Variants in ALX1 observed in about 807,000 individuals in gnomAD.
ALX1 encodes the protein ALX homeobox 1.
ALX1 carries 19 observed loss-of-function variants against 31.7 expected under a neutral mutation model. That is an observed-to-expected ratio of 0.60 (90% CI 0.42 to 0.88). The LOEUF (loss-of-function observed/expected upper bound fraction) is 0.88, where lower values mean the gene tolerates loss of function less well. Among genes scored for constraint, ALX1 ranks in the 40% least tolerant of loss-of-function variants. The pLI, the probability that ALX1 is intolerant of heterozygous loss-of-function variation, is 0.00. For synonymous variants in ALX1, 153 were observed against 148.8 expected, an observed-to-expected ratio of 1.03 and a Z score of -0.20; for missense variants, 415 against 407.8, an observed-to-expected ratio of 1.02 and a Z score of -0.15.
intron 3 of ALX1, among the ~76,000 whole-genome samples, chr12:85,297,815 T>C (rs939500927): frequency 2.0e-5 from 3 of 151,676 alleles, no homozygotes; most frequent in African/African-American, 7.3e-5. Context: ...ATAAAGAACT[T>C]CCCAGGTAAA....
chr12:85,284,209 G>T (rs1896718484), intron 2 of ALX1, among the ~76,000 whole-genome samples: 1 of 134,430 alleles, frequency 7.4e-6, no homozygotes. Flanking sequence ...TTAGTAATTG[G>T]TATATTTATT....
At chr12:85,296,550 A>T (rs2137391614) in intron 3 of ALX1, among the ~76,000 whole-genome samples, 1 of 151,784 alleles carries the variant, frequency 6.6e-6, no homozygotes, top group East Asian at 1.9e-4. Context: ...ACTTCCATTC[A>T]TGCTAATGGG....
chr12:85,286,666 G>C (rs1340309988), intron 2 of ALX1, among the ~76,000 whole-genome samples, 187 bp from the exon 3 acceptor site: 1 of 151,806 alleles, frequency 6.6e-6, no homozygotes, highest in Non-Finnish European at 1.5e-5. Flanking sequence ...TGTCTCATGG[G>C]AAAATCACTT....
chr12:85,287,506 T>C (rs1896763993), intron 3 of ALX1, among the ~76,000 whole-genome samples: 1 of 151,138 alleles, frequency 6.6e-6, no homozygotes, highest in Non-Finnish European at 1.5e-5. Context: ...CCACATTTGG[T>C]CCTGTTTGAC....
rs1339697821 is a variant in ALX1 at position 85,286,814 on chromosome 12, A to G, written c.532-39A>G. 2.7e-6 allele frequency: 4 copies of G among 1,506,396 alleles called. No individual in the cohort carries two copies. The Admixed American group carries it at 7.9e-5, about 30-fold the overall frequency. 93.3% of individuals were successfully genotyped at this position (1,506,396 alleles called of 1,614,324 possible). On this transcript the variant is annotated intron_variant, in intron 2 of 3. Transcript: ENST00000316824. ...TAACATCACATTTGCTTTATCAAATATTCCTTAGCTAAAATTCTAATTTTT... is the reference window on the plus strand; with the variant it reads ...TAACATCACATTTGCTTTATCAAATGTTCCTTAGCTAAAATTCTAATTTTT...
chr12:85,282,663 T>C (rs1443045847), intron 1 of ALX1, among the ~76,000 whole-genome samples: 1 of 152,218 alleles, frequency 6.6e-6, no homozygotes, highest in Admixed American at 6.5e-5. Context: ...TGGCATTATA[T>C]GATATATCTT....
In ALX1 at chr12:85,294,565, A is replaced by G. The variant is rs1314151386; in HGVS notation, c.661-6590A>G. Among the ~76,000 whole-genome samples the G allele has an allele frequency of 2.6e-5, 4 of 151,304 alleles. No individual in the cohort carries two copies. In the South Asian group the frequency reaches 8.3e-4, roughly 31 times the overall value. ...AAAGAAAAATGTTCTTTATGTTCTTATATCTTGGACTTGGAGCATTTTTCA... is the reference window on the plus strand; with the variant it reads ...AAAGAAAAATGTTCTTTATGTTCTTGTATCTTGGACTTGGAGCATTTTTCA... On this transcript the variant is annotated intron_variant, in intron 3 of 3. Transcript: ENST00000316824.
At chr12:85,286,750 T>C in intron 2 of ALX1, 103 bp from the exon 3 acceptor site, 2 of 1,082,478 alleles carry the variant, frequency 1.8e-6, no homozygotes, top group Non-Finnish European at 2.5e-6. Context: ...TTTTACGTAA[T>C]TTTTTTAACC....
chr12:85,297,835 C>T (rs930889837), intron 3 of ALX1, among the ~76,000 whole-genome samples: 1 of 151,546 alleles, frequency 6.6e-6, no homozygotes, highest in African/African-American at 2.4e-5. Context: ...ATGCAGTTAG[C>T]AAGGTCTAGG....
intron 3 of ALX1, among the ~76,000 whole-genome samples, chr12:85,300,527 T>C (rs1344445316): frequency 2.0e-5 from 3 of 152,096 alleles, no homozygotes; most frequent in Non-Finnish European, 4.4e-5. Flanking sequence ...ATATCATACA[T>C]AAATCACAGA....
At chr12:85,300,852 C>T (rs1212581347) in intron 3 of ALX1, among the ~76,000 whole-genome samples, 1 of 152,036 alleles carries the variant, frequency 6.6e-6, no homozygotes, top group African/African-American at 2.4e-5. Context: ...GGTCATGACT[C>T]AATCTTCCAG....
intron 2 of ALX1, among the ~76,000 whole-genome samples, chr12:85,284,079 A>G (rs1896716686): frequency 6.6e-6 from 1 of 152,206 alleles, no homozygotes; most frequent in Non-Finnish European, 1.5e-5. Context: ...TGTAAAACAA[A>G]AGAACACAAG....
rs1296324080 is a variant in ALX1 at position 85,283,564 on chromosome 12, G to A, written c.227-8G>A. On this transcript the variant is annotated splice_region_variant and splice_polypyrimidine_tract_variant and intron_variant, in intron 1 of 3. Coordinates refer to ENST00000316824, the MANE Select transcript of ALX1 (RefSeq NM_006982.3). Reference sequence around the variant, plus strand: ...TGAGAACTGTTGTTTTTCCTCCTCTGGGTACAGTGAACTATGGGATCACTA... The same window carrying A: ...TGAGAACTGTTGTTTTTCCTCCTCTAGGTACAGTGAACTATGGGATCACTA... 6.2e-7 allele frequency: 1 copy of A among 1,613,878 alleles called. No homozygotes were observed. The highest frequency in any genetic ancestry group is 1.1e-5 in the South Asian group (1 of 91,068).
intron 3 of ALX1, among the ~76,000 whole-genome samples, chr12:85,296,541 C>G (rs1896889423): frequency 6.6e-6 from 1 of 151,624 alleles, no homozygotes; most frequent in South Asian, 2.1e-4. Context: ...ATCCGCTGTA[C>G]TTCCATTCAT....
chr12:85,280,515 C>A, intron 1 of ALX1, 28 bp downstream of exon 1: 1 of 1,604,090 alleles, frequency 6.2e-7, no homozygotes, highest in Non-Finnish European at 8.5e-7. Flanking sequence ...CAGCCGGAGC[C>A]GCCGCAGCCC....
In ALX1 at chr12:85,301,519, A is replaced by G; in HGVS notation, c.*44A>G. On this transcript the variant is annotated 3_prime_UTR_variant, in exon 4 of 4. Transcript: ENST00000316824. ...TTTTCTTTTAATAGCAAAGTTAAAC[A>G]TTCTTATTTCTCATATTTAAAGGAT... 1.3e-6 allele frequency: 2 copies of G among 1,585,250 alleles called. No homozygotes were observed. The highest frequency in any genetic ancestry group is 1.7e-6 in the Non-Finnish European group (2 of 1,159,660).
intron 3 of ALX1, among the ~76,000 whole-genome samples, chr12:85,298,555 G>A (rs554056997): frequency 1.7e-4 from 26 of 151,590 alleles, no homozygotes; most frequent in Non-Finnish European, 2.1e-4. Flanking sequence ...AAGATTTGCT[G>A]GAAATTTAAA....
At chr12:85,285,398 C>G (rs996425079) in intron 2 of ALX1, among the ~76,000 whole-genome samples, 6 of 151,946 alleles carry the variant, frequency 3.9e-5, no homozygotes, top group Non-Finnish European at 8.8e-5. Flanking sequence ...TTACTAAATT[C>G]CCTTAGTGTG....
Position 85,283,672 on chromosome 12 carries a change from G to T in ALX1, c.327G>T (p.Gly109=). ...GTCTCCGAATGTCTCCCGTGAAAGGGATGCAAGAGAAGGGAGAGCTGGATG... is the reference window on the plus strand; with the variant it reads ...GTCTCCGAATGTCTCCCGTGAAAGGTATGCAAGAGAAGGGAGAGCTGGATG... ...CNSLRMSPVK[G]MQEKGELDEL... is the part of the protein sequence containing the mutation. The change falls in exon 2 of 4, where the codon GGG becomes GGT. Residue 109 remains glycine, a synonymous_variant. Transcript: ENST00000316824. The T allele has an allele frequency of 6.2e-7, 1 of 1,614,196 alleles. No homozygotes were observed. The highest frequency in any genetic ancestry group is 8.5e-7 in the Non-Finnish European group (1 of 1,180,030).
Sources: gnomAD v4.1 joint callset for allele counts (sites outside exome capture counted in the v4.1 genomes callset) on GRCh38, gnomAD v4.1.1 for gene constraint, MANE v1.5 for transcripts, NCBI Gene and HGNC (gene_info 2026-07-23, HGNC 2026-07-21) for gene names.